The following ANXA5 variants were observed in gnomAD, a reference collection of about 807,000 sequenced individuals.
ANXA5 encodes CBP-I.
In ANXA5, 40 loss-of-function variants were observed where a neutral mutation model predicts 48.1. The ratio of observed to expected loss-of-function variants is 0.83; its 90% CI spans 0.65 to 1.08. The LOEUF (loss-of-function observed/expected upper bound fraction) is 1.08, where lower values mean the gene tolerates loss of function less well. Ranked by LOEUF, ANXA5 falls within the 50% of genes least tolerant of loss-of-function variation. The pLI, the probability that ANXA5 is intolerant of heterozygous loss-of-function variation, is 0.00. For missense variants in ANXA5, 357 were observed against 376.8 expected (o/e 0.95, Z 0.44); for synonymous variants, 113 against 129.1 (o/e 0.88, Z 0.85).
chr4:121,680,291 G>A (rs969443027), intron 6 of ANXA5, among the ~76,000 whole-genome samples: 5 of 151,886 alleles, frequency 3.3e-5, no homozygotes, highest in Admixed American at 2.0e-4. Flanking sequence ...GTGTGTGTAC[G>A]TATTCTTTAT....
chr4:121,690,875 T>C (rs1371449293), intron 2 of ANXA5, among the ~76,000 whole-genome samples: 2 of 152,346 alleles, frequency 1.3e-5, no homozygotes, highest in African/African-American at 4.8e-5. Context: ...CCACTAAGGA[T>C]AGCAAAGCCA....
chr4:121,694,106 GGGGA>G (rs569083536), intron 2 of ANXA5, among the ~76,000 whole-genome samples: 1 of 44,520 alleles, frequency 2.2e-5, no homozygotes, highest in South Asian at 5.1e-4. Flanking sequence ...TGTGGGCGGG[GGGGA>G]GGGGGGAGGG....
intron 3 of ANXA5, among the ~76,000 whole-genome samples, chr4:121,685,471 T>G (rs1180101285): frequency 6.6e-6 from 1 of 152,044 alleles, no homozygotes; most frequent in African/African-American, 2.4e-5. Context: ...GCGTTTAGAA[T>G]GAGAGAAAAG....
intron 2 of ANXA5, among the ~76,000 whole-genome samples, chr4:121,694,007 T>C (rs1232491077): frequency 6.6e-6 from 1 of 150,848 alleles, no homozygotes; most frequent in Non-Finnish European, 1.5e-5. Flanking sequence ...ACCTTGTAAC[T>C]TAAACATATA....
chr4:121,669,556 G>A, intron 12 of ANXA5, 46 bp downstream of exon 12: 1 of 1,609,366 alleles, frequency 6.2e-7, no homozygotes, highest in East Asian at 2.2e-5. Context: ...CAACATACCA[G>A]TCTGCTTTGG....
chr4:121,674,893 G>A (rs1278343499), intron 8 of ANXA5, among the ~76,000 whole-genome samples: 1 of 152,178 alleles, frequency 6.6e-6, no homozygotes, highest in African/African-American at 2.4e-5. Context: ...TGCAAAGGAT[G>A]AGTCTTTGGA....
At chr4:121,686,178 C>A in intron 3 of ANXA5, 110 bp downstream of exon 3, 1 of 828,440 alleles carries the variant, frequency 1.2e-6, no homozygotes, top group South Asian at 1.7e-5. Context: ...CATATCTCTT[C>A]TCCTACAGAT....
At chr4:121,678,374 C>A in intron 7 of ANXA5, 41 bp downstream of exon 7, 1 of 1,552,326 alleles carries the variant, frequency 6.4e-7, no homozygotes, top group Non-Finnish European at 8.8e-7. Context: ...AGTCCAACTT[C>A]AGGCTTTTTA....
chr4:121,681,646 C>T (rs756259648), intron 6 of ANXA5, 25 bp downstream of exon 6: 3 of 1,548,428 alleles, frequency 1.9e-6, no homozygotes, highest in Non-Finnish European at 8.9e-7. Flanking sequence ...GAGGTGAAGT[C>T]AAAATATAAC....
At chr4:121,682,396 G>C (rs923077294) in intron 5 of ANXA5, among the ~76,000 whole-genome samples, 1 of 151,996 alleles carries the variant, frequency 6.6e-6, no homozygotes, top group African/African-American at 2.4e-5. Flanking sequence ...ATTAAACTAA[G>C]AGATGCAACG....
intron 2 of ANXA5, among the ~76,000 whole-genome samples, chr4:121,693,405 T>TA (rs1433358956): frequency 6.6e-6 from 1 of 152,188 alleles, no homozygotes; most frequent in African/African-American, 2.4e-5. Context: ...CCCTAATTTT[T>TA]AAAAAACAGA....
rs57273550 is a variant in ANXA5 at position 121,672,450 on chromosome 4, T to C, written c.625+83A>G. 4.8e-3 allele frequency: 4,275 copies of C among 882,312 alleles called. 132 individuals are homozygous for C. The African/African-American group carries it at 0.062, about 13-fold the overall frequency. 54.7% of individuals were successfully genotyped at this position (882,312 alleles called of 1,614,324 possible). On this transcript the variant is annotated intron_variant, in intron 9 of 12. Transcript: ENST00000296511. ...TGATTCATTCTCTAAGTCCCTGCTA[T>C]GTAGCAGGTATTCTGTCACACTGGC...
intron 2 of ANXA5, among the ~76,000 whole-genome samples, chr4:121,689,652 G>A (rs539894183): frequency 3.9e-5 from 6 of 152,270 alleles, no homozygotes; most frequent in African/African-American, 1.4e-4. Context: ...CAAGGGAAAG[G>A]TCACAGTGAA....
chr4:121,672,592 GT>G lies in ANXA5; in HGVS notation c.565del (p.Thr189GlnfsTer18), dbSNP rs1410111883. 6 of 1,613,456 alleles carry G rather than the reference GT, an allele frequency of 3.7e-6. No homozygotes were observed. The African/African-American group carries it at 4.0e-5, about 11-fold the overall frequency. On this transcript the variant is annotated frameshift_variant, in exon 9 of 13. Transcript: ENST00000296511. LOFTEE classifies it high-confidence loss of function. ...GATGGTGATAAACTTTTCTTCATCT[GT>G]CCCCCATTTAAGTTCTCCAGCCTGA... ...LFQAGELKWG[T>X]DEEKFITIFG...
intron 8 of ANXA5, among the ~76,000 whole-genome samples, chr4:121,675,045 C>G (rs1298639895): frequency 6.6e-6 from 1 of 152,150 alleles, no homozygotes; most frequent in East Asian, 1.9e-4. Flanking sequence ...TAGCAAATGC[C>G]CAGTAAAAGT....
rs145289682 is a variant in ANXA5, at chr4:121,679,989, T to C, written c.395-1495A>G. On this transcript the variant is annotated intron_variant, in intron 6 of 12. Coordinates refer to ENST00000296511, the MANE Select transcript of ANXA5 (RefSeq NM_001154.4). ...CTGTTCATGAGATCCCCAGAACTTATTCATCCTGCCTAACTAAAATCGTGT... is the reference window on the plus strand; with the variant it reads ...CTGTTCATGAGATCCCCAGAACTTACTCATCCTGCCTAACTAAAATCGTGT... 3.6e-3 allele frequency among the ~76,000 whole-genome samples: 553 copies of C among 152,292 alleles called. 6 individuals carry two copies. Among genetic ancestry groups the C allele is most frequent in the African/African-American group, 0.013 (522 of 41,570 alleles).
rs775523941 is a variant in ANXA5 at position 121,672,514 on chromosome 4, A to C, written c.625+19T>G. On this transcript the variant is annotated intron_variant, in intron 9 of 12. Transcript: ENST00000296511. ...AAATTTACCAATGTATCTGCCCCAT[A>C]CAGATTTTTTTCACTCACCCTTTCT... 1.3e-6 allele frequency: 2 copies of C among 1,588,716 alleles called. No individual in the cohort carries two copies.
chr4:121,689,700 A>G (rs6851541), intron 2 of ANXA5, among the ~76,000 whole-genome samples: 148,560 of 152,242 alleles, frequency 0.98, 72,586 homozygotes, highest in East Asian at 1. Flanking sequence ...TAAAATGTGC[A>G]GACCTCATCC....
intron 8 of ANXA5, among the ~76,000 whole-genome samples, chr4:121,673,519 G>A (rs948383261): frequency 3.3e-5 from 5 of 152,142 alleles, no homozygotes; most frequent in Non-Finnish European, 5.9e-5. Flanking sequence ...GACAGGAAGT[G>A]ATAATAACAG....
Sources: gnomAD v4.1 joint callset for allele counts (sites outside exome capture counted in the v4.1 genomes callset) on GRCh38, gnomAD v4.1.1 for gene constraint, MANE v1.5 for transcripts, NCBI Gene and HGNC (gene_info 2026-07-23, HGNC 2026-07-21) for gene names.